Variants in ATAD2B observed in about 807,000 individuals in gnomAD.
ATAD2B encodes ATPase family AAA domain-containing protein 2B.
A neutral mutation model predicts 167.6 loss-of-function variants in ATAD2B; 40 were observed. The observed-to-expected ratio is 0.24, with a 90% confidence interval of 0.19 to 0.31. The LOEUF (loss-of-function observed/expected upper bound fraction) is 0.31, where lower values mean the gene tolerates loss of function less well. Among genes scored for constraint, ATAD2B ranks in the 10% least tolerant of loss-of-function variants. The probability of loss-of-function intolerance (pLI) is 1.00; values close to 1 mark genes in which losing one functional copy is unlikely to be tolerated. For synonymous variants in ATAD2B, 579 were observed against 596.5 expected, an observed-to-expected ratio of 0.97 and a Z score of 0.43; for missense variants, 1,242 against 1,757.2, an observed-to-expected ratio of 0.71 and a Z score of 5.24.
chr2:23,740,563 G>A, the ATAD2B span, among the ~76,000 whole-genome samples: 1 of 151,886 alleles, frequency 6.6e-6, no homozygotes, highest in Non-Finnish European at 1.5e-5. Context: ...AAAATAATAA[G>A]AGCTATCTAT....
intron 12 of ATAD2B, among the ~76,000 whole-genome samples, chr2:23,857,739 A>ATTTT (rs34857462): frequency 9.9e-5 from 12 of 120,616 alleles, no homozygotes; most frequent in Non-Finnish European, 1.3e-4. Context: ...ACCAAAGTGT[A>ATTTT]TTTTTTTTTT....
At chr2:23,788,353 G>A in intron 20 of ATAD2B, 159 bp downstream of exon 20, 1 of 763,772 alleles carries the variant, frequency 1.3e-6, no homozygotes, top group East Asian at 2.6e-5. Context: ...CTCAAGTCAG[G>A]TGAACACAAT....
chr2:23,769,945 A>G (rs1390043479), intron 22 of ATAD2B, among the ~76,000 whole-genome samples: 2 of 151,348 alleles, frequency 1.3e-5, no homozygotes, highest in African/African-American at 4.9e-5. Flanking sequence ...TGGCCTCCCA[A>G]AGTGCTAGGA....
At chr2:23,863,354 A>G in intron 12 of ATAD2B, 27 bp downstream of exon 12, 2 of 1,542,508 alleles carry the variant, frequency 1.3e-6, no homozygotes, top group Non-Finnish European at 8.7e-7. Context: ...AACAGAAAAG[A>G]CTCTTGAATT....
At chr2:23,775,581 T>G (rs185224735) in intron 22 of ATAD2B, among the ~76,000 whole-genome samples, 350 of 152,358 alleles carry the variant, frequency 2.3e-3, no homozygotes, top group African/African-American at 8.2e-3. Flanking sequence ...CATTTTCTTG[T>G]ATGTTGCTTA....
the ATAD2B span, among the ~76,000 whole-genome samples, chr2:23,736,458 C>G: frequency 6.6e-6 from 1 of 152,130 alleles, no homozygotes; most frequent in East Asian, 1.9e-4. Flanking sequence ...GAAAAAGAGA[C>G]TATGCAAGGA....
chr2:23,754,149 G>A, intron 27 of ATAD2B, 30 bp downstream of exon 27: 2 of 1,454,250 alleles, frequency 1.4e-6, no homozygotes, highest in Non-Finnish European at 1.8e-6. Context: ...TCAAGTATTT[G>A]TTTATTCTAC....
chr2:23,760,697 T>TACAC (rs367725351), intron 24 of ATAD2B, among the ~76,000 whole-genome samples: 13,330 of 117,634 alleles, frequency 0.11, 772 homozygotes, highest in Non-Finnish European at 0.14. Context: ...AATTTATATA[T>TACAC]ATACACACAC....
chr2:23,903,768 T>C (rs1701115746), intron 1 of ATAD2B, among the ~76,000 whole-genome samples: 1 of 152,136 alleles, frequency 6.6e-6, no homozygotes, highest in Non-Finnish European at 1.5e-5. Flanking sequence ...TGGAACTAAG[T>C]TAATTAGCAG....
At position 23,788,507 on chromosome 2, in the gene ATAD2B, T is replaced by C; in HGVS notation, c.2776+5A>G. ...CCATTTTCCTAAAGGCTTTACAAAC[T>C]TTACCAGCATGTTTCCTTCGTGGTG... On this transcript the variant is annotated splice_donor_5th_base_variant and intron_variant, in intron 20 of 27. Coordinates refer to ENST00000238789, the MANE Select transcript of ATAD2B (RefSeq NM_017552.4). The C allele has an allele frequency of 6.2e-7, 1 of 1,612,354 alleles. No homozygotes were observed. The highest frequency in any genetic ancestry group is 1.1e-5 in the South Asian group (1 of 90,964).
At chr2:23,765,755 T>A (rs1677322391) in intron 22 of ATAD2B, 127 bp from the exon 23 acceptor site, 2 of 551,264 alleles carry the variant, frequency 3.6e-6, no homozygotes, top group East Asian at 7.0e-5. Context: ...AAAAGTTTAT[T>A]TAAAGTATGG....
intron 19 of ATAD2B, among the ~76,000 whole-genome samples, chr2:23,797,764 G>A (rs1262035289): frequency 2.6e-5 from 4 of 152,082 alleles, no homozygotes; most frequent in Non-Finnish European, 5.9e-5. Flanking sequence ...TTTTGTGCAA[G>A]AAACAAAGTT....
intron 18 of ATAD2B, 87 bp from the exon 19 acceptor site, chr2:23,798,410 C>A: frequency 9.2e-7 from 1 of 1,082,042 alleles, no homozygotes; most frequent in Non-Finnish European, 1.3e-6. Flanking sequence ...TGAAATATGT[C>A]AGGCCTATTA....
At chr2:23,898,891 G>GT (rs1242405415) in intron 1 of ATAD2B, among the ~76,000 whole-genome samples, 2 of 152,154 alleles carry the variant, frequency 1.3e-5, no homozygotes, top group Non-Finnish European at 2.9e-5. Context: ...GCTCATGCCT[G>GT]TAATCCCAGC....
Position 23,887,834 on chromosome 2 carries a change from A to G in ATAD2B, c.570T>C (p.Asn190=). The stretch of plus-strand genomic sequence containing the variant: ...TGCTTAATACTTGGCATTCATACCT[A>G]TTTACTAGTTGATCAAATAACAAAC... ...NQSLLFDQLV[N]STAEAVLQEM... Residue 190 remains asparagine (N), a splice_region_variant and synonymous_variant, in exon 4 of 28, where the codon AAT becomes AAC. Coordinates refer to ENST00000238789, the MANE Select transcript of ATAD2B (RefSeq NM_017552.4). 1 of 1,595,524 alleles carries G rather than the reference A, an allele frequency of 6.3e-7. No homozygotes were observed. The highest frequency in any genetic ancestry group is 8.5e-7 in the Non-Finnish European group (1 of 1,173,162).
At chr2:23,883,702 C>T in intron 6 of ATAD2B, 1 of 807,302 alleles carries the variant, frequency 1.2e-6, no homozygotes. Context: ...TCAAAATTGA[C>T]TAATAAAATA....
intron 24 of ATAD2B, among the ~76,000 whole-genome samples, chr2:23,759,789 T>G (rs1326588263): frequency 6.6e-6 from 1 of 152,208 alleles, no homozygotes; most frequent in South Asian, 2.1e-4. Context: ...ACTGTTAAAA[T>G]CTGGTACACA....
intron 5 of ATAD2B, 149 bp from the exon 6 acceptor site, chr2:23,885,022 A>C: frequency 2.3e-6 from 1 of 428,658 alleles, no homozygotes; most frequent in Non-Finnish European, 4.1e-6. Context: ...TCCTAAATTC[A>C]ATAAATGTAA....
At chr2:23,692,984 G>T in the ATAD2B span, among the ~76,000 whole-genome samples, 1 of 152,184 alleles carries the variant, frequency 6.6e-6, no homozygotes, top group East Asian at 1.9e-4. Context: ...CAGGCTCTGA[G>T]CAGGGCTCTC....
Sources: allele counts gnomAD v4.1 joint callset (sites outside exome capture counted in the v4.1 genomes callset), GRCh38; gene constraint gnomAD v4.1.1; transcripts MANE v1.5; gene names NCBI Gene and HGNC (gene_info 2026-07-23, HGNC 2026-07-21).